EZR: variants seen among roughly 807,000 people sequenced by gnomAD.
EZR encodes the protein ezrin, also known as cytovillin 2.
EZR carries 40 observed loss-of-function variants against 74.8 expected under a neutral mutation model. The ratio of observed to expected loss-of-function variants is 0.53; its 90% confidence interval spans 0.42 to 0.70. EZR has a LOEUF of 0.70. EZR is among the 30% of genes least tolerant of loss of function. The pLI, the probability that EZR is intolerant of heterozygous loss-of-function variation, is 0.00. For synonymous variants in EZR, 341 were observed against 283.3 expected (o/e 1.20, Z -2.05); for missense variants, 678 against 755.8 (o/e 0.90, Z 1.21).
intron 2 of EZR, among the ~76,000 whole-genome samples, chr6:158,808,362 A>G (rs1333045805): frequency 6.6e-6 from 1 of 152,232 alleles, no homozygotes; most frequent in African/African-American, 2.4e-5. Flanking sequence ...GGACTGTCCC[A>G]TATGTAAATT....
rs766249639 is a variant in EZR, at chr6:158,783,568, C to A, written c.650G>T (p.Trp217Leu). 5.8e-5 allele frequency: 93 copies of A among 1,613,300 alleles called. No individual in the cohort carries two copies. Among genetic ancestry groups the A allele is most frequent in the Non-Finnish European group, 7.5e-5 (89 of 1,179,836 alleles). The change falls in exon 7 of 14, where the codon TGG becomes TTG. Residue 217 changes from tryptophan to leucine, a missense_variant. Trp to Leu is a moderately conservative substitution (Grantham distance 61, BLOSUM62 -2). This residue lies in a region of EZR where 119 missense variants were observed against 182.3 expected (regional missense o/e 0.65). Coordinates refer to ENST00000367075, the MANE Select transcript of EZR (RefSeq NM_001111077.2). Reference sequence around the variant, plus strand: ...CAGTCCAAGGGCATCAACTCCAAGCCAAAGGTCTGTTCCTTTCTTGTTTTT... The same window carrying A: ...CAGTCCAAGGGCATCAACTCCAAGCAAAAGGTCTGTTCCTTTCTTGTTTTT... The part of the protein sequence containing the change: ...EIKNKKGTDL[W>L]LGVDALGLNI...
intron 7 of EZR, among the ~76,000 whole-genome samples, chr6:158,783,135 A>G (rs1478504254): frequency 6.6e-6 from 1 of 152,122 alleles, no homozygotes; most frequent in Non-Finnish European, 1.5e-5. Flanking sequence ...TCTTGGTTGG[A>G]TTAGCACAAA....
chr6:158,814,277 C>T (rs1233877296), intron 2 of EZR, among the ~76,000 whole-genome samples: 7 of 152,170 alleles, frequency 4.6e-5, no homozygotes, highest in Admixed American at 2.6e-4. Flanking sequence ...AGTGCTGCCG[C>T]GTGCGCCCCC....
chr6:158,765,965 AAGCTCAT>A lies in EZR; in HGVS notation c.*942_*948del, dbSNP rs1253495939. On this transcript the variant is annotated 3_prime_UTR_variant, in exon 14 of 14. Coordinates refer to ENST00000367075, the MANE Select transcript of EZR (RefSeq NM_001111077.2). ...GAGTCTCTTCACAGCTGGAGTCTGA[AAGCTCAT>A]AGTGGCATGTGTGAATCTGACAAAA... 2 of 152,540 alleles carry A rather than the reference AAGCTCAT, an allele frequency of 1.3e-5. No homozygotes were observed. Among genetic ancestry groups the A allele is most frequent in the Non-Finnish European group, 2.9e-5 (2 of 68,042 alleles). The allele number at this position is 152,540 out of a possible 1,614,324, so 9.4% of individuals were successfully genotyped here. A position where few individuals can be genotyped will look rare whatever the true frequency, so the allele number is the denominator to read the frequency against.
Position 158,771,360 on chromosome 6 carries a change from C to G in EZR, c.843G>C (p.Leu281=), listed in dbSNP as rs533214916. The change falls in exon 9 of 14, where the codon CTG becomes CTC. Residue 281 remains leucine, a synonymous_variant. Coordinates refer to ENST00000367075, the MANE Select transcript of EZR (RefSeq NM_001111077.2). ...ACTCATGGTTGCCCATGCAGAGCTG[C>G]AGGATCCGCTTGTTGATTCTCAGAC... ...APRLRINKRI[L]QLCMGNHELY... 6.2e-7 allele frequency: 1 copy of G among 1,613,774 alleles called. No individual in the cohort carries two copies. The highest frequency in any genetic ancestry group is 1.3e-5 in the African/African-American group (1 of 74,932).
At chr6:158,805,337 GAAAAAAAAAAAAA>G (rs56269785) in intron 2 of EZR, among the ~76,000 whole-genome samples, 381 of 116,856 alleles carry the variant, frequency 3.3e-3, no homozygotes, top group African/African-American at 5.8e-3. Flanking sequence ...TCCATCTCAG[GAAAAAAAAAAAAA>G]AAAAAAAAAA....
intron 2 of EZR, among the ~76,000 whole-genome samples, chr6:158,798,382 G>A (rs1217635126): frequency 1.3e-5 from 2 of 152,192 alleles, no homozygotes; most frequent in African/African-American, 4.8e-5. Context: ...AACTTTTTGG[G>A]TTTACTGTTT....
chr6:158,806,340 T>A (rs1480036687), intron 2 of EZR, among the ~76,000 whole-genome samples: 1 of 152,182 alleles, frequency 6.6e-6, no homozygotes, highest in Non-Finnish European at 1.5e-5. Context: ...TTCTACCCTA[T>A]AACATGCTTT....
At chr6:158,814,354 T>A (rs1435190040) in intron 2 of EZR, among the ~76,000 whole-genome samples, 2 of 150,794 alleles carry the variant, frequency 1.3e-5, no homozygotes, top group Non-Finnish European at 3.0e-5. Flanking sequence ...CCCCATCAGA[T>A]GATTTTCCTT....
chr6:158,770,708 G>T (rs904127132), intron 10 of EZR, 56 bp downstream of exon 10: 1 of 1,608,646 alleles, frequency 6.2e-7, no homozygotes. Flanking sequence ...TGTGGCCCCT[G>T]CTACTCTGTG....
chr6:158,808,628 A>G (rs1320240029), intron 2 of EZR, among the ~76,000 whole-genome samples: 1 of 152,198 alleles, frequency 6.6e-6, no homozygotes, highest in African/African-American at 2.4e-5. Flanking sequence ...GGTGCTTCCC[A>G]TGTGCCATCT....
intron 2 of EZR, among the ~76,000 whole-genome samples, chr6:158,802,752 G>T (rs900448146): frequency 6.6e-6 from 1 of 152,056 alleles, no homozygotes; most frequent in Non-Finnish European, 1.5e-5. Flanking sequence ...AGATGGTCTC[G>T]ATCTCCTGAC....
Position 158,812,820 on chromosome 6 carries a change from G to A in EZR, c.12+5262C>T, listed in dbSNP as rs149725855. 3.6e-4 allele frequency among the ~76,000 whole-genome samples: 55 copies of A among 152,120 alleles called. 1 individual carries two copies. In the East Asian group the frequency reaches 9.3e-3, roughly 26 times the overall value. Reference sequence around the variant, plus strand: ...ACATCCACTTGCGCAAGCCAGAAACGAGAAGTCAGCCTCGACACCACCCTT... The same window carrying A: ...ACATCCACTTGCGCAAGCCAGAAACAAGAAGTCAGCCTCGACACCACCCTT... On this transcript the variant is annotated intron_variant, in intron 2 of 13. Coordinates refer to ENST00000367075, the MANE Select transcript of EZR (RefSeq NM_001111077.2).
chr6:158,788,637 A>T (rs1383036030), intron 3 of EZR, among the ~76,000 whole-genome samples: 6 of 141,748 alleles, frequency 4.2e-5, no homozygotes, highest in Non-Finnish European at 6.3e-5. Flanking sequence ...ACAGAGTGAG[A>T]TTCAGTCTCA....
chr6:158,779,087 C>T (rs1162204406), intron 7 of EZR, among the ~76,000 whole-genome samples: 1 of 152,120 alleles, frequency 6.6e-6, no homozygotes, highest in Non-Finnish European at 1.5e-5. Context: ...CAGACACCAC[C>T]TTAACTAATA....
At chr6:158,811,917 A>G (rs1777458386) in intron 2 of EZR, among the ~76,000 whole-genome samples, 1 of 125,400 alleles carries the variant, frequency 8.0e-6, no homozygotes, top group Admixed American at 7.5e-5. Flanking sequence ...AAAAGAGGCC[A>G]GTGTGGAAGG....
intron 2 of EZR, among the ~76,000 whole-genome samples, chr6:158,804,765 TA>T (rs1417687567): frequency 9.1e-5 from 13 of 143,106 alleles, no homozygotes; most frequent in Non-Finnish European, 1.7e-4. Flanking sequence ...CTTTTTTTCT[TA>T]TTTTTTTTTA....
intron 12 of EZR, among the ~76,000 whole-genome samples, chr6:158,767,749 C>CT (rs374875801): frequency 0.016 from 2,442 of 152,140 alleles, 55 homozygotes; most frequent in African/African-American, 0.056. Flanking sequence ...ACTACCATTT[C>CT]TTTTTTTACC....
rs747767270 is a variant in EZR, at chr6:158,818,116, T to TCGATCCC, written c.-30_-24dup. ...CATTTTCGGTTTCTGGTGAGTATCC[T>TCGATCCC]CGATCCCCGAAAACACGACTATCCA... On this transcript the variant is annotated 5_prime_UTR_variant, in exon 2 of 14. Transcript: ENST00000367075. The TCGATCCC allele has an allele frequency of 5.0e-6, 8 of 1,607,270 alleles. No individual in the cohort carries two copies. The East Asian group carries it at 1.8e-4, about 36-fold the overall frequency.
Sources: gnomAD v4.1 joint callset for allele counts (sites outside exome capture counted in the v4.1 genomes callset) on GRCh38, gnomAD v4.1.1 for gene constraint, gnomAD v4.1.1 regional missense constraint, MANE v1.5 for transcripts, NCBI Gene and HGNC (gene_info 2026-07-23, HGNC 2026-07-21) for gene names.